TULP4: variants seen among roughly 807,000 people sequenced by gnomAD.
TULP4 encodes TUB like protein 4, also known as tubby-related protein 4.
In TULP4, 16 loss-of-function variants were observed where a neutral mutation model predicts 129.0. That is an observed-to-expected ratio of 0.12 (90% CI 0.08 to 0.19). The LOEUF (loss-of-function observed/expected upper bound fraction) is 0.19, where lower values mean the gene tolerates loss of function less well. TULP4 is among the 10% of genes least tolerant of loss of function. The pLI is 1.00. For synonymous variants in TULP4, 998 were observed against 854.0 expected (o/e 1.17, Z -2.94); for missense variants, 1,842 against 2,059.1 (o/e 0.89, Z 2.04).
At chr6:158,474,459 A>G (rs531249458) in intron 6 of TULP4, among the ~76,000 whole-genome samples, 1 of 150,980 alleles carries the variant, frequency 6.6e-6, no homozygotes, top group Non-Finnish European at 1.5e-5. Flanking sequence ...ACTGCTATAT[A>G]CAAAAATAGT....
chr6:158,485,536 G>A (rs1333647507), intron 8 of TULP4, among the ~76,000 whole-genome samples: 14 of 152,168 alleles, frequency 9.2e-5, no homozygotes, highest in Non-Finnish European at 4.4e-5. Flanking sequence ...GGAGCTGTTT[G>A]GCCACTAACA....
chr6:158,459,397 T>A (rs1339620054), intron 5 of TULP4, among the ~76,000 whole-genome samples: 1 of 150,682 alleles, frequency 6.6e-6, no homozygotes, highest in Non-Finnish European at 1.5e-5. Context: ...GCCATTGTAC[T>A]CCAGCCTGGG....
At chr6:158,436,160 G>T (rs1055052217) in intron 3 of TULP4, among the ~76,000 whole-genome samples, 1 of 152,152 alleles carries the variant, frequency 6.6e-6, no homozygotes, top group Non-Finnish European at 1.5e-5. Context: ...GCCTGCCTCA[G>T]CCTCCTAAAG....
rs199605437 is a variant in TULP4 at position 158,265,723 on chromosome 6, CT to C, written n.68+33429del. 4.5e-3 allele frequency among the ~76,000 whole-genome samples: 686 copies of C among 151,346 alleles called. 3 individuals carry two copies. The highest frequency in any genetic ancestry group is 5.4e-3 in the Non-Finnish European group (367 of 67,808). On this transcript the variant is annotated intron_variant and non_coding_transcript_variant, in intron 1 of 1. Coordinates refer to the TULP4 transcript ENST00000620026. ...AATTTTGGCTCAAGTAAGGCAAATA[CT>C]TTTTTTTTCTTAAGCATTGAGAATG...
rs562403721 is a variant in TULP4 at position 158,386,786 on chromosome 6, A to G, written c.253-26279A>G. Among the ~76,000 whole-genome samples, 16 of 152,024 alleles carry G rather than the reference A, an allele frequency of 1.1e-4. No homozygotes were observed. In the East Asian group the frequency reaches 2.9e-3, roughly 28 times the overall value. ...GTTACTAAACCTCTCTGTTTTCTCT[A>G]TTTGTAAAATGGGGACAATAATAGC... On this transcript the variant is annotated intron_variant, in intron 1 of 13. Transcript: ENST00000367097.
chr6:158,348,423 C>G (rs1046059724), intron 1 of TULP4, among the ~76,000 whole-genome samples: 1 of 152,120 alleles, frequency 6.6e-6, no homozygotes, highest in Admixed American at 6.5e-5. Context: ...CAAAGCACAT[C>G]TTGCACCGCC....
chr6:158,242,379 G>C (rs1398572807), intron 1 of TULP4: 2 of 1,498,646 alleles, frequency 1.3e-6, no homozygotes, highest in Non-Finnish European at 1.9e-6. Context: ...TGAAGGGTTT[G>C]TTTTCCTCTC....
At chr6:158,490,717 T>G (rs563658501) in intron 9 of TULP4, among the ~76,000 whole-genome samples, 10 of 152,132 alleles carry the variant, frequency 6.6e-5, no homozygotes, top group South Asian at 6.2e-4. Context: ...TCTTCTGACT[T>G]CCATCATCAG....
chr6:158,349,863 C>T (rs535356673), intron 1 of TULP4, among the ~76,000 whole-genome samples: 65 of 113,220 alleles, frequency 5.7e-4, no homozygotes, highest in Non-Finnish European at 9.9e-4. Flanking sequence ...ACCTCCCAGA[C>T]GGGGCGGCCG....
At chr6:158,487,395 A>G (rs1411863027) in intron 8 of TULP4, among the ~76,000 whole-genome samples, 6 of 152,096 alleles carry the variant, frequency 3.9e-5, no homozygotes, top group Non-Finnish European at 1.5e-5. Context: ...AACCAAGATA[A>G]TGTCACTGCA....
chr6:158,309,535 C>T (rs1056954051), upstream of TULP4, among the ~76,000 whole-genome samples: 2 of 151,998 alleles, frequency 1.3e-5, no homozygotes, highest in African/African-American at 4.8e-5. Context: ...GAGGCCAAGG[C>T]AGGCGGCTGG....
At chr6:158,330,045 G>A (rs1343988324) in intron 1 of TULP4, among the ~76,000 whole-genome samples, 2 of 151,926 alleles carry the variant, frequency 1.3e-5, no homozygotes, top group Admixed American at 6.6e-5. Flanking sequence ...AAAGAAACAG[G>A]TGAAATTAAT....
intron 1 of TULP4, among the ~76,000 whole-genome samples, chr6:158,283,619 C>G (rs1778793430): frequency 6.6e-6 from 1 of 152,202 alleles, no homozygotes; most frequent in African/African-American, 2.4e-5. Flanking sequence ...CTACTGTGTT[C>G]TTAAACTGTC....
chr6:158,493,523 T>G lies in TULP4; in HGVS notation c.1632-50T>G, dbSNP rs2128257396. On this transcript the variant is annotated intron_variant, in intron 9 of 13. Transcript: ENST00000367097. This position sits in a 1 kb window ranked among gnomAD's most constrained non-coding sequence, Gnocchi z 4.4. Reference sequence around the variant, plus strand: ...AGGACTGCTGGAGTCAGGGCCATGCTCACCATTCCCGCCACGGATGCCTGA... The same window carrying G: ...AGGACTGCTGGAGTCAGGGCCATGCGCACCATTCCCGCCACGGATGCCTGA... The G allele has an allele frequency of 7.0e-7, 1 of 1,425,874 alleles. No individual in the cohort carries two copies. Among genetic ancestry groups the G allele is most frequent in the East Asian group, 2.8e-5 (1 of 36,300 alleles). The allele number at this position is 1,425,874 out of a possible 1,614,324, so 88.3% of individuals were successfully genotyped here. A position where few individuals can be genotyped will look rare whatever the true frequency, so the allele number is the denominator to read the frequency against.
chr6:158,269,288 G>C (rs1778503922), intron 1 of TULP4, among the ~76,000 whole-genome samples: 1 of 151,570 alleles, frequency 6.6e-6, no homozygotes, highest in Non-Finnish European at 1.5e-5. Flanking sequence ...ATGGGTCTTG[G>C]AGCCAGATAT....
intron 1 of TULP4, among the ~76,000 whole-genome samples, chr6:158,250,236 C>G (rs1459630339): frequency 6.6e-6 from 1 of 151,784 alleles, no homozygotes; most frequent in Non-Finnish European, 1.5e-5. Context: ...TGGCTTACTG[C>G]AGCCTCCGCC....
intron 3 of TULP4, among the ~76,000 whole-genome samples, chr6:158,433,662 G>A (rs1312338241): frequency 6.6e-6 from 1 of 152,194 alleles, no homozygotes; most frequent in East Asian, 1.9e-4. Flanking sequence ...AACCGAGATG[G>A]CGCCATTGCA....
chr6:158,268,685 C>G (rs934627395), intron 1 of TULP4, among the ~76,000 whole-genome samples: 2 of 152,110 alleles, frequency 1.3e-5, no homozygotes, highest in East Asian at 3.9e-4. Flanking sequence ...TTACATTTTC[C>G]TATTTTACTG....
chr6:158,365,580 C>T (rs898596323), intron 1 of TULP4, among the ~76,000 whole-genome samples: 2 of 151,440 alleles, frequency 1.3e-5, no homozygotes, highest in Admixed American at 1.3e-4. Context: ...AGGTTCACGC[C>T]ATTCTCCTGC....
Sources: gnomAD v4.1 joint callset for allele counts (sites outside exome capture counted in the v4.1 genomes callset) on GRCh38, gnomAD v4.1.1 for gene constraint, Gnocchi (gnomAD v3.1) non-coding constraint, MANE v1.5 for transcripts, NCBI Gene and HGNC (gene_info 2026-07-23, HGNC 2026-07-21) for gene names.